The following KIF16B variants were observed in gnomAD, a reference collection of about 807,000 sequenced individuals.
KIF16B encodes the protein kinesin family member 16B.
Under a neutral mutation model 156.3 loss-of-function variants are expected in KIF16B, and 98 were observed. The ratio of observed to expected loss-of-function variants is 0.63; its 90% CI spans 0.53 to 0.74. KIF16B has a LOEUF of 0.74. Ranked by LOEUF, KIF16B falls within the 30% of genes least tolerant of loss-of-function variation. The pLI is 0.00. For synonymous variants in KIF16B, 564 were observed against 583.7 expected (o/e 0.97, Z 0.49); for missense variants, 1,421 against 1,606.5 (o/e 0.88, Z 1.97).
intron 9 of KIF16B, 53 bp from the exon 10 acceptor site, chr20:16,504,600 A>G: frequency 6.6e-7 from 1 of 1,519,992 alleles, no homozygotes; most frequent in Admixed American, 1.7e-5. Context: ...TGTTCCATTT[A>G]ACACAAAGTT....
At chr20:16,340,598 T>A (rs1032259835) in intron 23 of KIF16B, among the ~76,000 whole-genome samples, 2 of 152,352 alleles carry the variant, frequency 1.3e-5, no homozygotes, top group East Asian at 1.9e-4. Context: ...ATGGCTTTTT[T>A]AAATCTCTCT....
chr20:16,517,854 A>C (rs1423070411), intron 3 of KIF16B, among the ~76,000 whole-genome samples: 5 of 152,232 alleles, frequency 3.3e-5, no homozygotes, highest in Non-Finnish European at 1.5e-5. Flanking sequence ...TCTTCTAAAA[A>C]CTTTTCAAAG....
At chr20:16,326,264 A>G (rs2063846272) in intron 24 of KIF16B, among the ~76,000 whole-genome samples, 1 of 151,344 alleles carries the variant, frequency 6.6e-6, no homozygotes, top group African/African-American at 2.4e-5. Context: ...CCAAGAACCC[A>G]AAAGCAAATG....
At chr20:16,312,463 T>C in intron 24 of KIF16B, 45 bp from the exon 25 acceptor site, 1 of 1,306,062 alleles carries the variant, frequency 7.7e-7, no homozygotes, top group Non-Finnish European at 1.1e-6. Context: ...GCATACCTGT[T>C]AATTGTTGGG....
At chr20:16,458,262 A>G (rs1357680965) in intron 12 of KIF16B, among the ~76,000 whole-genome samples, 4 of 152,240 alleles carry the variant, frequency 2.6e-5, no homozygotes, top group African/African-American at 9.6e-5. Context: ...CAAAATTAAT[A>G]TGCTTGCTCT....
At chr20:16,413,100 C>T (rs2066000055) in intron 15 of KIF16B, among the ~76,000 whole-genome samples, 2 of 151,986 alleles carry the variant, frequency 1.3e-5, no homozygotes, top group Non-Finnish European at 2.9e-5. Flanking sequence ...ACCATTTGGT[C>T]TGAGGTCAGT....
At chr20:16,410,379 A>G (rs1337952610) in intron 15 of KIF16B, among the ~76,000 whole-genome samples, 5 of 151,000 alleles carry the variant, frequency 3.3e-5, no homozygotes, top group Admixed American at 2.0e-4. Flanking sequence ...ATACATACAC[A>G]CACATATACA....
intron 4 of KIF16B, among the ~76,000 whole-genome samples, chr20:16,514,773 C>G (rs908236908): frequency 6.7e-6 from 1 of 148,610 alleles, no homozygotes; most frequent in Non-Finnish European, 1.5e-5. Flanking sequence ...CACCTGTAAT[C>G]TACTTGGGAG....
chr20:16,295,166 A>T (rs184259405), intron 25 of KIF16B, among the ~76,000 whole-genome samples: 124 of 152,322 alleles, frequency 8.1e-4, no homozygotes, highest in Non-Finnish European at 1.5e-3. Context: ...GAGAAGATAA[A>T]GAGCAGCCCA....
In KIF16B at chr20:16,374,243, T is replaced by A; in HGVS notation, c.3350+14A>T. 6.5e-7 allele frequency: 1 copy of A among 1,531,698 alleles called. No individual in the cohort carries two copies. 94.9% of individuals were successfully genotyped at this position (1,531,698 alleles called of 1,614,324 possible). A position where few individuals can be genotyped will look rare whatever the true frequency, so the allele number is the denominator to read the frequency against. ...ATCAAATGAGAAGCCTGGAATCACT[T>A]TCATGTCCAGTACCTGGCATCCATG... On this transcript the variant is annotated intron_variant, in intron 20 of 25. Coordinates refer to ENST00000354981, the MANE Select transcript of KIF16B (RefSeq NM_024704.5).
At chr20:16,424,579 C>G (rs2146400062) in intron 15 of KIF16B, among the ~76,000 whole-genome samples, 1 of 152,242 alleles carries the variant, frequency 6.6e-6, no homozygotes, top group East Asian at 1.9e-4. Context: ...CAAAAAGGGG[C>G]TTAAACATGC....
chr20:16,343,331 T>C (rs999346900), intron 23 of KIF16B, among the ~76,000 whole-genome samples: 3 of 152,218 alleles, frequency 2.0e-5, no homozygotes, highest in African/African-American at 7.2e-5. Flanking sequence ...GTTTAAGGAT[T>C]GCCAGTGTTA....
intron 12 of KIF16B, among the ~76,000 whole-genome samples, chr20:16,467,324 T>G (rs1341405811): frequency 6.6e-6 from 1 of 152,142 alleles, no homozygotes; most frequent in Non-Finnish European, 1.5e-5. Context: ...ACCACCTCAC[T>G]AAAGGCCTGT....
At chr20:16,516,864 T>C (rs1328613236) in intron 3 of KIF16B, among the ~76,000 whole-genome samples, 2 of 152,198 alleles carry the variant, frequency 1.3e-5, no homozygotes, top group Admixed American at 1.3e-4. Flanking sequence ...GGAATCCATA[T>C]TCTTCTAAAC....
chr20:16,295,393 A>G (rs987302414), intron 25 of KIF16B, among the ~76,000 whole-genome samples: 4 of 152,010 alleles, frequency 2.6e-5, no homozygotes, highest in African/African-American at 9.7e-5. Flanking sequence ...TATATACTAT[A>G]TACAATATTG....
chr20:16,364,095 C>A (rs1177615543), intron 22 of KIF16B, among the ~76,000 whole-genome samples: 2 of 152,152 alleles, frequency 1.3e-5, no homozygotes, highest in Non-Finnish European at 2.9e-5. Context: ...GCAAAAATTA[C>A]TGTAATTACT....
In KIF16B at chr20:16,389,425, T is replaced by C. The variant is rs570658194; in HGVS notation, c.1785-7678A>G. On this transcript the variant is annotated intron_variant, in intron 17 of 25. Coordinates refer to ENST00000354981, the MANE Select transcript of KIF16B (RefSeq NM_024704.5). The stretch of plus-strand genomic sequence containing the variant: ...CTTTTGCCTGGAATGCTCGGTAGTA[T>C]TCCTCAGTCCAGAGAACCAGAAAAG... Among the ~76,000 whole-genome samples, 4 of 152,314 alleles carry C rather than the reference T, an allele frequency of 2.6e-5. No homozygotes were observed. In the East Asian group the frequency reaches 5.8e-4, roughly 22 times the overall value.
At chr20:16,323,407 G>C (rs1012987787) in intron 24 of KIF16B, among the ~76,000 whole-genome samples, 2 of 151,832 alleles carry the variant, frequency 1.3e-5, no homozygotes, top group Non-Finnish European at 2.9e-5. Flanking sequence ...TCATCAAAAG[G>C]CTCCATAATT....
chr20:16,568,819 C>CAAAAAAA (rs57421025), intron 1 of KIF16B, among the ~76,000 whole-genome samples: 1 of 55,510 alleles, frequency 1.8e-5, no homozygotes, highest in Non-Finnish European at 2.9e-5. Context: ...GACCCTGTCT[C>CAAAAAAA]AAAAAAAAAA....
Sources: gnomAD v4.1 joint callset for allele counts (sites outside exome capture counted in the v4.1 genomes callset) on GRCh38, gnomAD v4.1.1 for gene constraint, MANE v1.5 for transcripts, NCBI Gene and HGNC (gene_info 2026-07-23, HGNC 2026-07-21) for gene names.